Variants in PELP1 observed in about 807,000 individuals in gnomAD.
PELP1 encodes the protein proline-, glutamic acid- and leucine-rich protein 1.
Under a neutral mutation model 95.5 loss-of-function variants are expected in PELP1, and 32 were observed. The observed-to-expected ratio is 0.34, with a 90% confidence interval of 0.25 to 0.45. PELP1 has a LOEUF of 0.45. PELP1 is among the 20% of genes least tolerant of loss of function. PELP1 has a pLI of 1.00. For missense variants in PELP1, 1,358 were observed against 1,444.8 expected (o/e 0.94, Z 0.97); for synonymous variants, 668 against 600.1 (o/e 1.11, Z -1.65).
Position 4,672,026 on chromosome 17 carries a change from G to C in PELP1, c.2965C>G (p.Pro989Ala), listed in dbSNP as rs781512255. ...PPTLPPALPP[P>A]ESPPKVQPEP... ...GGCTGCACCTTTGGGGGAGACTCAG[G>C]GGGAGGCAGAGCTGGAGGCAGGGTT... The change falls in exon 16 of 17, where the codon CCT (proline) becomes GCT (alanine). Residue 989 changes from proline (P) to alanine (A), a missense_variant. By Grantham distance (27) the Pro-to-Ala change is conservative (BLOSUM62 -1). Around this residue, in one of 7 missense-constraint regions of PELP1, gnomAD observed 283 missense variants for 284.1 expected, o/e 1.00. Transcript: ENST00000572293. 1.3e-5 allele frequency: 21 copies of C among 1,575,312 alleles called. No individual in the cohort carries two copies. In the East Asian group the frequency reaches 2.3e-4, roughly 17 times the overall value.
chr17:4,682,770 G>A (rs757962079), intron 4 of PELP1, 33 bp downstream of exon 4: 1 of 1,540,720 alleles, frequency 6.5e-7, no homozygotes, highest in South Asian at 1.3e-5. Context: ...GACTGCGGGG[G>A]GCCATGGGGA....
chr17:4,679,417 C>T (rs2150556271), intron 5 of PELP1, among the ~76,000 whole-genome samples: 1 of 152,230 alleles, frequency 6.6e-6, no homozygotes, highest in African/African-American at 2.4e-5. Context: ...ACTACTCACA[C>T]TGAAAATAAA....
rs906369114 is a variant in PELP1, at chr17:4,703,838, GCGGGCA to G, written c.249+19_249+24del. The G allele has an allele frequency of 6.3e-7, 1 of 1,589,762 alleles. No individual in the cohort carries two copies. Among genetic ancestry groups the G allele is most frequent in the African/African-American group, 1.3e-5 (1 of 74,350 alleles). On this transcript the variant is annotated intron_variant, in intron 1 of 16. Coordinates refer to ENST00000572293, the MANE Select transcript of PELP1 (RefSeq NM_014389.3). ...GCCGCGCCATCCTCCCCACAGGGCC[GCGGGCA>G]CGCGGGCCACGGACTCACCTGGGCC...
chr17:4,688,760 T>C (rs1484065544), intron 3 of PELP1, among the ~76,000 whole-genome samples: 1 of 152,084 alleles, frequency 6.6e-6, no homozygotes. Context: ...ATTGTGAAAA[T>C]GGCCATACTG....
intron 3 of PELP1, among the ~76,000 whole-genome samples, chr17:4,686,761 G>T (rs535314602): frequency 3.3e-5 from 5 of 151,884 alleles, no homozygotes; most frequent in Non-Finnish European, 7.4e-5. Flanking sequence ...CAGGTGATCC[G>T]CCCACCTCGG....
intron 1 of PELP1, among the ~76,000 whole-genome samples, chr17:4,695,995 T>C (rs1223979610): frequency 7.2e-6 from 1 of 139,854 alleles, no homozygotes; most frequent in Non-Finnish European, 1.5e-5. Context: ...TAAAAAGGCA[T>C]ACTGATAACC....
At chr17:4,680,521 G>A (rs143201242) in intron 5 of PELP1, among the ~76,000 whole-genome samples, 1 of 152,250 alleles carries the variant, frequency 6.6e-6, no homozygotes, top group Non-Finnish European at 1.5e-5. Flanking sequence ...CATGCAATCT[G>A]CCCGCCTTGG....
intron 7 of PELP1, 45 bp downstream of exon 7, chr17:4,676,312 C>A (rs768739783): frequency 2.5e-6 from 4 of 1,596,378 alleles, no homozygotes; most frequent in Non-Finnish European, 3.4e-6. Context: ...CTTCCTGCCA[C>A]GCTTCCTCAC....
At chr17:4,687,758 C>T (rs1394457928) in intron 3 of PELP1, among the ~76,000 whole-genome samples, 7 of 152,182 alleles carry the variant, frequency 4.6e-5, no homozygotes, top group Non-Finnish European at 1.0e-4. Flanking sequence ...ATCTCACTGT[C>T]TCTCCAGAGC....
Position 4,672,759 on chromosome 17 carries a change from C to T in PELP1, c.2232G>A (p.Gly744=), listed in dbSNP as rs1365456772. 1.2e-6 allele frequency: 2 copies of T among 1,613,422 alleles called. No individual in the cohort carries two copies. The highest frequency in any genetic ancestry group is 1.3e-5 in the African/African-American group (1 of 74,910). The part of the protein sequence containing the change: ...SNEDPILAPS[G]TPPPTIPPDE... ...CTGGGGGTATAGTAGGTGGGGGAGT[C>T]CCACTAGGGGCAAGGATGGGGTCCT... The change falls in exon 16 of 17, where the codon GGG becomes GGA. Residue 744 remains glycine, a synonymous_variant. Transcript: ENST00000572293.
At chr17:4,680,569 C>A (rs9896316) in intron 5 of PELP1, among the ~76,000 whole-genome samples, 7,016 of 152,236 alleles carry the variant, frequency 0.046, 492 homozygotes, top group African/African-American at 0.16. Flanking sequence ...TGAGCCACCA[C>A]GCCCAGCCTC....
Position 4,676,446 on chromosome 17 carries a change from T to C in PELP1, c.764A>G (p.Lys255Arg), listed in dbSNP as rs1335505495. Residue 255 changes from lysine (K) to arginine (R), a missense_variant, in exon 7 of 17, where the codon AAG becomes AGG. Transcript: ENST00000572293. ...SLGAGFSQGL[K>R]HTESWEQELH... ...CTCCTGCTCCCAGCTCTCGGTGTGC[T>C]TCAGGCCTTGGGAAAAGCCAGCCCC... 1 of 1,613,564 alleles carries C rather than the reference T, an allele frequency of 6.2e-7. No homozygotes were observed. Among genetic ancestry groups the C allele is most frequent in the East Asian group, 2.2e-5 (1 of 44,852 alleles).
At chr17:4,696,145 G>A (rs533247678) in intron 1 of PELP1, among the ~76,000 whole-genome samples, 3 of 151,804 alleles carry the variant, frequency 2.0e-5, no homozygotes, top group African/African-American at 4.8e-5. Flanking sequence ...CTGTGCAACC[G>A]AGGGAGACCC....
In PELP1 at chr17:4,675,159, G is replaced by T. The variant is rs745406250; in HGVS notation, c.1194C>A (p.Ile398=). The part of the protein sequence containing the change: ...GSRLLRFGIL[I]GRLLPQVLNS... ...TGAGGACCTGGGGAAGCAGGCGGCC[G>T]ATCAGGATCCCAAAGCGCAAGAGCC... Residue 398 remains isoleucine (I), a synonymous_variant, in exon 11 of 17, where the codon ATC becomes ATA. Transcript: ENST00000572293. This position sits in a 1 kb window ranked among gnomAD's most constrained non-coding sequence, Gnocchi z 4.3. The T allele has an allele frequency of 6.2e-7, 1 of 1,613,808 alleles. No individual in the cohort carries two copies. The highest frequency in any genetic ancestry group is 8.5e-7 in the Non-Finnish European group (1 of 1,179,850).
chr17:4,690,760 A>C lies in PELP1; in HGVS notation c.420+128T>G. 4.8e-6 allele frequency: 3 copies of C among 626,520 alleles called. No individual in the cohort carries two copies. The South Asian group carries it at 6.4e-5, about 13-fold the overall frequency. The allele number at this position is 626,520 out of a possible 1,614,324, so 38.8% of individuals were successfully genotyped here. On this transcript the variant is annotated intron_variant, in intron 3 of 16. Transcript: ENST00000572293. The stretch of plus-strand genomic sequence containing the variant: ...CTATTTGAAGCTTATCCTCTCTGCT[A>C]TCAGGGAATTGTTTCCAATTATTCT...
intron 12 of PELP1, 40 bp from the exon 13 acceptor site, chr17:4,674,709 C>G (rs1476478374): frequency 1.9e-6 from 3 of 1,589,778 alleles, no homozygotes; most frequent in East Asian, 2.2e-5. Flanking sequence ...CACAGGCAAA[C>G]AACAAGGCAA....
Position 4,687,895 on chromosome 17 carries a change from C to T in PELP1, c.420+2993G>A, listed in dbSNP as rs147290803. On this transcript the variant is annotated intron_variant, in intron 3 of 16. Coordinates refer to ENST00000572293, the MANE Select transcript of PELP1 (RefSeq NM_014389.3). ...TAAAAGAGCAACAAAGTATGAAAAA[C>T]GCACAACCAACCTTATACTGAACAG... Among the ~76,000 whole-genome samples, 21 of 152,310 alleles carry T rather than the reference C, an allele frequency of 1.4e-4. No homozygotes were observed. In the East Asian group the frequency reaches 3.5e-3, roughly 25 times the overall value.
At chr17:4,689,130 T>A (rs922380366) in intron 3 of PELP1, among the ~76,000 whole-genome samples, 9 of 152,194 alleles carry the variant, frequency 5.9e-5, no homozygotes, top group Non-Finnish European at 1.2e-4. Flanking sequence ...TCTGGGATAA[T>A]TGGCAAGCCA....
At chr17:4,685,316 G>A (rs1184918079) in intron 3 of PELP1, among the ~76,000 whole-genome samples, 3 of 152,032 alleles carry the variant, frequency 2.0e-5, no homozygotes, top group South Asian at 2.1e-4. Context: ...CCCCCAGCCC[G>A]CAATCCCGGT....
Sources: gnomAD v4.1 joint callset for allele counts (sites outside exome capture counted in the v4.1 genomes callset) on GRCh38, gnomAD v4.1.1 for gene constraint, gnomAD v4.1.1 regional missense constraint, Gnocchi (gnomAD v3.1) non-coding constraint, MANE v1.5 for transcripts, NCBI Gene and HGNC (gene_info 2026-07-23, HGNC 2026-07-21) for gene names.